CSMD3: variants seen among roughly 807,000 people sequenced by gnomAD.
CSMD3 encodes the protein CUB and sushi domain-containing protein 3.
In CSMD3, 177 loss-of-function variants were observed where a neutral mutation model predicts 435.2. The ratio of observed to expected loss-of-function variants is 0.41; its 90% CI spans 0.36 to 0.46. The LOEUF (loss-of-function observed/expected upper bound fraction) is 0.46. Ranked by LOEUF, CSMD3 falls within the 20% of genes least tolerant of loss-of-function variation. CSMD3 has a pLI of 0.34. For missense variants in CSMD3, 4,265 were observed against 4,504.6 expected (o/e 0.95, Z 1.52); for synonymous variants, 1,656 against 1,520.5 (o/e 1.09, Z -2.07).
intron 3 of CSMD3, among the ~76,000 whole-genome samples, chr8:113,209,011 A>T (rs1387805243): frequency 2.0e-5 from 3 of 152,198 alleles, no homozygotes; most frequent in Non-Finnish European, 4.4e-5. Context: ...GTTATAAAAG[A>T]TCATGAATAA....
chr8:112,517,771 C>A (rs181675656), intron 27 of CSMD3, among the ~76,000 whole-genome samples: 2 of 152,180 alleles, frequency 1.3e-5, no homozygotes, highest in East Asian at 3.9e-4. Context: ...ACAATAAATG[C>A]TGGTAATTAT....
chr8:112,363,533 C>T (rs1827464390), intron 38 of CSMD3, among the ~76,000 whole-genome samples: 1 of 151,914 alleles, frequency 6.6e-6, no homozygotes, highest in African/African-American at 2.4e-5. Context: ...AAGATTATTA[C>T]CTTCACTGCA....
intron 27 of CSMD3, among the ~76,000 whole-genome samples, chr8:112,528,839 G>C (rs1389823776): frequency 6.6e-6 from 1 of 151,946 alleles, no homozygotes; most frequent in South Asian, 2.1e-4. Flanking sequence ...GAGGAGAAAG[G>C]CCTTGGTTTG....
intron 24 of CSMD3, among the ~76,000 whole-genome samples, chr8:112,568,391 G>A (rs574428661): frequency 1.3e-5 from 2 of 152,030 alleles, no homozygotes; most frequent in East Asian, 1.9e-4. Context: ...TCAGGAGTTC[G>A]AGACCAGCCT....
chr8:112,300,451 TA>T (rs1171153851), intron 53 of CSMD3, among the ~76,000 whole-genome samples: 1 of 152,012 alleles, frequency 6.6e-6, no homozygotes, highest in Non-Finnish European at 1.5e-5. Flanking sequence ...AATCACATAT[TA>T]ATACATAATC....
intron 3 of CSMD3, among the ~76,000 whole-genome samples, chr8:113,231,327 A>G (rs2093083573): frequency 6.6e-6 from 1 of 151,250 alleles, no homozygotes; most frequent in Admixed American, 6.6e-5. Flanking sequence ...TACTAGATGA[A>G]AATGTTGGGT....
chr8:113,435,825 T>C (rs1274323244), intron 1 of CSMD3, among the ~76,000 whole-genome samples: 5 of 152,100 alleles, frequency 3.3e-5, no homozygotes, highest in African/African-American at 1.2e-4. Context: ...TATGGATCTA[T>C]TTTCTCCCTA....
At chr8:113,174,974 A>T (rs1011607135) in intron 3 of CSMD3, among the ~76,000 whole-genome samples, 21 of 151,846 alleles carry the variant, frequency 1.4e-4, no homozygotes, top group African/African-American at 5.1e-4. Context: ...TTCTTGCAAA[A>T]TAATAAGCTG....
intron 9 of CSMD3, among the ~76,000 whole-genome samples, chr8:112,930,993 T>G (rs2083088864): frequency 6.6e-6 from 1 of 152,100 alleles, no homozygotes; most frequent in Non-Finnish European, 1.5e-5. Context: ...TAAAATCAAC[T>G]TTTCCACATT....
intron 32 of CSMD3, among the ~76,000 whole-genome samples, chr8:112,455,625 A>C (rs983251769): frequency 5.5e-5 from 8 of 146,620 alleles, no homozygotes; most frequent in Admixed American, 2.0e-4. Flanking sequence ...ATAAATAAAT[A>C]AATAAATCAA....
intron 6 of CSMD3, among the ~76,000 whole-genome samples, chr8:113,005,022 A>G (rs1202080383): frequency 6.6e-6 from 1 of 151,850 alleles, no homozygotes; most frequent in Non-Finnish European, 1.5e-5. Flanking sequence ...TATGTATATA[A>G]ATGCATATTC....
chr8:112,745,665 G>T lies in CSMD3; in HGVS notation c.1972+54497C>A, dbSNP rs1260765741. On this transcript the variant is annotated intron_variant, in intron 13 of 70. Transcript: ENST00000297405. Reference sequence around the variant, plus strand: ...AAAAATTTACTAATGTCAATTCTAAGTTTCTTTTTTTTGTTTTTGGAGTTG... The same window carrying T: ...AAAAATTTACTAATGTCAATTCTAATTTTCTTTTTTTTGTTTTTGGAGTTG... Among the ~76,000 whole-genome samples, 5 of 151,358 alleles carry T rather than the reference G, an allele frequency of 3.3e-5. No individual in the cohort carries two copies. In the East Asian group the frequency reaches 7.7e-4, roughly 23 times the overall value.
chr8:112,504,091 A>C (rs1822265120), intron 29 of CSMD3, 114 bp from the exon 30 acceptor site: 1 of 634,610 alleles, frequency 1.6e-6, no homozygotes, highest in South Asian at 2.2e-5. Context: ...TAAAAATAAT[A>C]AAAGACGCTG....
intron 31 of CSMD3, among the ~76,000 whole-genome samples, chr8:112,482,405 ACT>A (rs1434459726): frequency 1.3e-5 from 2 of 152,242 alleles, no homozygotes; most frequent in Admixed American, 6.5e-5. Context: ...CATAAAATTC[ACT>A]GTTTTAAAGT....
intron 52 of CSMD3, among the ~76,000 whole-genome samples, chr8:112,303,639 A>C (rs1821133815): frequency 6.6e-6 from 1 of 152,130 alleles, no homozygotes; most frequent in African/African-American, 2.4e-5. Context: ...ATAATTTAGA[A>C]ATATATTTTT....
rs373855597 is a variant in CSMD3 at position 112,424,974 on chromosome 8, G to C, written c.5396-15942C>G. 7.9e-5 allele frequency among the ~76,000 whole-genome samples: 12 copies of C among 152,220 alleles called. No individual in the cohort carries two copies. The East Asian group carries it at 1.9e-3, about 24-fold the overall frequency. On this transcript the variant is annotated intron_variant, in intron 32 of 70. Coordinates refer to ENST00000297405, the MANE Select transcript of CSMD3 (RefSeq NM_198123.2). ...CAAAGTGCTGGGATTACAGGCATGA[G>C]CCACCGCGCTTGACCTATTTTTTAT...
chr8:112,383,971 A>G (rs558517783), intron 36 of CSMD3, among the ~76,000 whole-genome samples: 14 of 152,336 alleles, frequency 9.2e-5, no homozygotes, highest in Admixed American at 2.0e-4. Flanking sequence ...ACTCAGTGCC[A>G]GGAATCTCAA....
chr8:112,414,787 G>A (rs1785463931), intron 32 of CSMD3, among the ~76,000 whole-genome samples: 1 of 152,198 alleles, frequency 6.6e-6, no homozygotes, highest in African/African-American at 2.4e-5. Flanking sequence ...GGTTTTCTCA[G>A]ATGGAGATGA....
intron 13 of CSMD3, among the ~76,000 whole-genome samples, chr8:112,714,804 A>T (rs1249114189): frequency 6.6e-6 from 1 of 152,204 alleles, no homozygotes; most frequent in East Asian, 1.9e-4. Flanking sequence ...AAATTGAATA[A>T]CCTGCTCCTG....
Sources: allele counts gnomAD v4.1 joint callset (sites outside exome capture counted in the v4.1 genomes callset), GRCh38; gene constraint gnomAD v4.1.1; transcripts MANE v1.5; gene names NCBI Gene and HGNC (gene_info 2026-07-23, HGNC 2026-07-21).